Variants in TENM2 observed in about 807,000 individuals in gnomAD.
TENM2 encodes teneurin-2.
Under a neutral mutation model 245.2 loss-of-function variants are expected in TENM2, and 52 were observed. That is an observed-to-expected ratio of 0.21 (90% CI 0.17 to 0.27). TENM2 has a LOEUF of 0.27. Ranked by LOEUF, TENM2 falls within the 10% of genes least tolerant of loss-of-function variation. The pLI is 1.00. For synonymous variants in TENM2, 1,363 were observed against 1,438.9 expected, an observed-to-expected ratio of 0.95 and a Z score of 1.19; for missense variants, 3,046 against 3,666.8, an observed-to-expected ratio of 0.83 and a Z score of 4.37.
chr5:167,993,221 A>G, intron 5 of TENM2, 39 bp downstream of exon 7: 5 of 1,535,322 alleles, frequency 3.3e-6, no homozygotes, highest in Non-Finnish European at 2.7e-6. Flanking sequence ...GCTGGGGATG[A>G]CAACATGAGG....
chr5:168,069,506 A>G (rs750111258), intron 7 of TENM2, among the ~76,000 whole-genome samples: 33 of 152,340 alleles, frequency 2.2e-4, no homozygotes, highest in Middle Eastern at 3.4e-3. Context: ...ATTTAACATG[A>G]TGTCTAAACC....
chr5:167,848,229 A>C (rs1189443254), intron 2 of TENM2, among the ~76,000 whole-genome samples: 1 of 152,112 alleles, frequency 6.6e-6, no homozygotes, highest in Non-Finnish European at 1.5e-5. Context: ...GAGTTCTTCA[A>C]AGTGTTAAAT....
At chr5:167,663,342 A>G (rs968919568) in intron 2 of TENM2, among the ~76,000 whole-genome samples, 1 of 152,208 alleles carries the variant, frequency 6.6e-6, no homozygotes. Context: ...TCATTATTGC[A>G]TAATAGCCAG....
intron 2 of TENM2, among the ~76,000 whole-genome samples, chr5:167,569,266 T>C (rs1303545792): frequency 6.6e-6 from 1 of 152,028 alleles, no homozygotes; most frequent in Non-Finnish European, 1.5e-5. Flanking sequence ...TAAATGTGTT[T>C]AAAAACTTAA....
chr5:167,419,430 C>CAGG (rs1388919776), intron 2 of TENM2, among the ~76,000 whole-genome samples: 9 of 152,146 alleles, frequency 5.9e-5, no homozygotes, highest in Non-Finnish European at 1.0e-4. Context: ...CACCGCACTC[C>CAGG]AGCCTGAGTG....
chr5:167,861,527 G>A (rs1037159823), intron 2 of TENM2, among the ~76,000 whole-genome samples: 8 of 152,180 alleles, frequency 5.3e-5, no homozygotes, highest in African/African-American at 1.9e-4. Context: ...CCGGGTGCCC[G>A]TCCTAATGTC....
chr5:167,894,953 GGAAGGAAGGA>G lies in TENM2; in HGVS notation c.712+18759_712+18768del, dbSNP rs1775066687. On this transcript the variant is annotated intron_variant, in intron 3 of 28. Transcript: ENST00000518659. ...AGGAAGGAAGGAAGGAAGGAAGGAA[GGAAGGAAGGA>G]AGGAAGGAAGGAAGGAAGGAAGGAA... 4.1e-5 allele frequency among the ~76,000 whole-genome samples: 5 copies of G among 123,120 alleles called. No individual in the cohort carries two copies. In the Admixed American group the frequency reaches 4.2e-4, roughly 10 times the overall value. The allele number at this position is 123,120 out of a possible 152,430, so 80.8% of individuals were successfully genotyped here. A position where few individuals can be genotyped will look rare whatever the true frequency, so the allele number is the denominator to read the frequency against.
the TENM2 span, among the ~76,000 whole-genome samples, chr5:167,161,165 G>A: frequency 6.6e-6 from 1 of 152,278 alleles, no homozygotes; most frequent in East Asian, 1.9e-4. Flanking sequence ...ATGCAAATGT[G>A]CATTGTGACT....
chr5:168,137,117 A>G (rs1755120123), intron 12 of TENM2, among the ~76,000 whole-genome samples: 1 of 152,214 alleles, frequency 6.6e-6, no homozygotes. Context: ...CCAGAGAAAG[A>G]AAGGGTTAAC....
At chr5:167,376,941 G>A (rs1760786983) in intron 2 of TENM2, among the ~76,000 whole-genome samples, 1 of 152,174 alleles carries the variant, frequency 6.6e-6, no homozygotes, top group South Asian at 2.1e-4. Flanking sequence ...AGAATTTATG[G>A]CACATTTTAA....
intron 2 of TENM2, among the ~76,000 whole-genome samples, chr5:167,508,048 A>G (rs1277225157): frequency 6.6e-6 from 1 of 152,162 alleles, no homozygotes; most frequent in African/African-American, 2.4e-5. Context: ...TTACCAAGGA[A>G]ACCCCACTGA....
chr5:168,061,598 A>AGTT (rs1790043260), intron 6 of TENM2, among the ~76,000 whole-genome samples: 1 of 151,916 alleles, frequency 6.6e-6, no homozygotes, highest in South Asian at 2.1e-4. Flanking sequence ...TTTTCTACTG[A>AGTT]GTTGTTTTAT....
chr5:167,332,303 A>T (rs143446664), intron 1 of TENM2, among the ~76,000 whole-genome samples: 35 of 152,290 alleles, frequency 2.3e-4, no homozygotes, highest in African/African-American at 8.2e-4. Flanking sequence ...ATTAATTATC[A>T]ATACCTTTTA....
chr5:167,805,243 T>C (rs563500506), intron 2 of TENM2, among the ~76,000 whole-genome samples: 1 of 138,824 alleles, frequency 7.2e-6, no homozygotes, highest in South Asian at 2.1e-4. Flanking sequence ...TTGTTTCATG[T>C]CTATCTGTTT....
At chr5:167,743,951 CATT>C (rs1761383304) in intron 2 of TENM2, among the ~76,000 whole-genome samples, 1 of 152,128 alleles carries the variant, frequency 6.6e-6, no homozygotes, top group Non-Finnish European at 1.5e-5. Flanking sequence ...CTTGAATAAT[CATT>C]ATGCTGGAGT....
chr5:166,989,355 G>T, the TENM2 span, among the ~76,000 whole-genome samples: 1 of 146,590 alleles, frequency 6.8e-6, no homozygotes, highest in Admixed American at 7.1e-5. Context: ...CGCCTTCCAG[G>T]TTCAAGTGAT....
chr5:167,432,095 C>T (rs1473752077), intron 2 of TENM2, among the ~76,000 whole-genome samples: 2 of 150,822 alleles, frequency 1.3e-5, no homozygotes, highest in Non-Finnish European at 2.9e-5. Context: ...AGTAAAAACC[C>T]CCCTGGAAAC....
At chr5:168,106,325 A>C (rs1046294002) in intron 9 of TENM2, among the ~76,000 whole-genome samples, 4 of 142,114 alleles carry the variant, frequency 2.8e-5, no homozygotes, top group African/African-American at 1.1e-4. Flanking sequence ...TCATGGCTAC[A>C]TGCCAGCACT....
At chr5:167,718,752 T>G (rs1372496071) in intron 2 of TENM2, among the ~76,000 whole-genome samples, 2 of 152,110 alleles carry the variant, frequency 1.3e-5, no homozygotes, top group African/African-American at 2.4e-5. Context: ...AAGTCCAGTT[T>G]GAGTCAATAG....
Sources: gnomAD v4.1 joint callset for allele counts (sites outside exome capture counted in the v4.1 genomes callset) on GRCh38, gnomAD v4.1.1 for gene constraint, MANE v1.5 for transcripts, NCBI Gene and HGNC (gene_info 2026-07-23, HGNC 2026-07-21) for gene names.